NFIB: variants seen among roughly 807,000 people sequenced by gnomAD.
NFIB encodes the protein nuclear factor I B.
Under a neutral mutation model 61.5 loss-of-function variants are expected in NFIB, and 11 were observed. That is an observed-to-expected ratio of 0.18 (90% CI 0.11 to 0.30). NFIB has a LOEUF of 0.30. NFIB is among the 10% of genes least tolerant of loss of function. The probability of loss-of-function intolerance (pLI) is 1.00; values close to 1 mark genes in which losing one functional copy is unlikely to be tolerated. For missense variants in NFIB, 471 were observed against 608.9 expected (o/e 0.77, Z 2.38); for synonymous variants, 260 against 216.5 (o/e 1.20, Z -1.76).
At chr9:14,180,827 G>A (rs1029141881) in intron 2 of NFIB, 4 of 152,184 alleles carry the variant, frequency 2.6e-5, no homozygotes, top group Non-Finnish European at 5.9e-5. Flanking sequence ...GTAAACGCCG[G>A]AGGAATGGAT....
chr9:14,500,293 G>T, the NFIB span, among the ~76,000 whole-genome samples: 3 of 152,170 alleles, frequency 2.0e-5, no homozygotes, highest in Admixed American at 6.5e-5. Context: ...TCCCTAAGAC[G>T]TTAAGTGGGT....
At chr9:14,398,002 C>G (rs1453596050) in intron 1 of NFIB, among the ~76,000 whole-genome samples, 1 of 152,044 alleles carries the variant, frequency 6.6e-6, no homozygotes, top group East Asian at 1.9e-4. Flanking sequence ...CCACTATGCT[C>G]CAGGCTCCAT....
intron 1 of NFIB, among the ~76,000 whole-genome samples, chr9:14,394,703 T>C (rs144672366): frequency 4.2e-4 from 64 of 152,282 alleles, no homozygotes; most frequent in African/African-American, 1.4e-3. Flanking sequence ...TTTCATGGAT[T>C]CCTTCAAATG....
In NFIB at chr9:14,227,099, C is replaced by T. The variant is rs151261929; in HGVS notation, c.563-47319G>A. On this transcript the variant is annotated intron_variant, in intron 2 of 10. Transcript: ENST00000380953. Reference sequence around the variant, plus strand: ...AAGTTTGCAGTGAGCCGAGATCACGCCATTGCACTCCAGCCTGGGCAACGA... The same window carrying T: ...AAGTTTGCAGTGAGCCGAGATCACGTCATTGCACTCCAGCCTGGGCAACGA... Among the ~76,000 whole-genome samples the T allele has an allele frequency of 3.6e-3, 541 of 150,246 alleles. 2 individuals are homozygous for T. Among genetic ancestry groups the T allele is most frequent in the Non-Finnish European group, 5.4e-3 (365 of 67,794 alleles).
intron 2 of NFIB, among the ~76,000 whole-genome samples, chr9:14,287,548 G>A (rs562502460): frequency 6.6e-6 from 1 of 151,760 alleles, no homozygotes; most frequent in Non-Finnish European, 1.5e-5. Context: ...TCAGCTTCCC[G>A]AGTAGCTGGG....
At chr9:14,291,688 G>A (rs927240952) in intron 2 of NFIB, among the ~76,000 whole-genome samples, 1 of 151,838 alleles carries the variant, frequency 6.6e-6, no homozygotes, top group Non-Finnish European at 1.5e-5. Context: ...CAAAGGAAAA[G>A]GGAGATGTAG....
At chr9:14,338,250 C>A (rs755608509) in intron 1 of NFIB, among the ~76,000 whole-genome samples, 1 of 152,018 alleles carries the variant, frequency 6.6e-6, no homozygotes, top group Non-Finnish European at 1.5e-5. Context: ...AAAAATTAGC[C>A]GGGCATGGTG....
chr9:14,526,368 T>C, the NFIB span, among the ~76,000 whole-genome samples: 1 of 152,190 alleles, frequency 6.6e-6, no homozygotes, highest in Non-Finnish European at 1.5e-5. Flanking sequence ...ATAATGATCA[T>C]AACGAACATT....
At chr9:14,275,198 C>T (rs2057912994) in intron 2 of NFIB, among the ~76,000 whole-genome samples, 1 of 152,158 alleles carries the variant, frequency 6.6e-6, no homozygotes, top group Non-Finnish European at 1.5e-5. Flanking sequence ...AGGCCAGGAT[C>T]ATGGTCTCTG....
intron 2 of NFIB, among the ~76,000 whole-genome samples, chr9:14,253,968 C>T (rs1349108480): frequency 6.6e-6 from 1 of 152,094 alleles, no homozygotes; most frequent in Non-Finnish European, 1.5e-5. Flanking sequence ...AATGCCTCCC[C>T]AGCACTTGAC....
rs1445997481 is a variant in NFIB, at chr9:14,290,727, G to A, written c.562+16262C>T. ...ACCAATCACTAGTGCATATACAAAA[G>A]AAAGAAAACAAGCCTCAGTAAAAAG... On this transcript the variant is annotated intron_variant, in intron 2 of 10. Transcript: ENST00000380953. 2.0e-5 allele frequency among the ~76,000 whole-genome samples: 3 copies of A among 152,118 alleles called. No homozygotes were observed. In the East Asian group the frequency reaches 5.8e-4, roughly 29 times the overall value.
the NFIB span, among the ~76,000 whole-genome samples, chr9:14,504,334 T>C: frequency 3.3e-5 from 5 of 152,244 alleles, no homozygotes; most frequent in East Asian, 9.7e-4. Flanking sequence ...TCCATATGAA[T>C]CTTAGAATTG....
chr9:14,194,377 T>C (rs4551459), intron 2 of NFIB, among the ~76,000 whole-genome samples: 119,104 of 152,052 alleles, frequency 0.78, 47,856 homozygotes, highest in South Asian at 0.94. Context: ...CTAAAAACCA[T>C]AGGAATAATG....
At chr9:14,185,610 G>A (rs1016388325) in intron 2 of NFIB, among the ~76,000 whole-genome samples, 1 of 152,128 alleles carries the variant, frequency 6.6e-6, no homozygotes, top group Admixed American at 6.6e-5. Context: ...CCTAATCTTT[G>A]GGATAGGGCC....
the NFIB span, among the ~76,000 whole-genome samples, chr9:14,521,019 C>G: frequency 6.6e-6 from 1 of 152,104 alleles, no homozygotes; most frequent in African/African-American, 2.4e-5. Flanking sequence ...TTTCTACTGC[C>G]CCATTGATTC....
At chr9:14,205,442 A>G (rs1233698216) in intron 2 of NFIB, among the ~76,000 whole-genome samples, 2 of 151,892 alleles carry the variant, frequency 1.3e-5, no homozygotes, top group Non-Finnish European at 2.9e-5. Flanking sequence ...AGTACGATAT[A>G]TACACAAGGT....
chr9:14,155,805 TAAC>T lies in NFIB; in HGVS notation c.685+17_685+19del. On this transcript the variant is annotated intron_variant, in intron 4 of 10. Transcript: ENST00000380953. ...TAAATCATACTGCATGCTTAAGTAG[TAAC>T]AAAACAATTTACTTACTTCTGGATA... 2.0e-6 allele frequency: 3 copies of T among 1,489,006 alleles called. No individual in the cohort carries two copies. The highest frequency in any genetic ancestry group is 2.4e-5 in the South Asian group (2 of 81,746). 92.2% of individuals were successfully genotyped at this position (1,489,006 alleles called of 1,614,324 possible). A position where few individuals can be genotyped will look rare whatever the true frequency, so the allele number is the denominator to read the frequency against.
intron 4 of NFIB, among the ~76,000 whole-genome samples, chr9:14,151,405 T>A (rs2042855367): frequency 6.6e-6 from 1 of 152,160 alleles, no homozygotes; most frequent in South Asian, 2.1e-4. Flanking sequence ...GGCTGCAATG[T>A]GTACAAAATA....
the NFIB span, among the ~76,000 whole-genome samples, chr9:14,515,438 A>G: frequency 6.6e-6 from 1 of 152,136 alleles, no homozygotes; most frequent in Non-Finnish European, 1.5e-5. Context: ...AGAGCCATTA[A>G]TCAACTTTTC....
Sources: gnomAD v4.1 joint callset for allele counts (sites outside exome capture counted in the v4.1 genomes callset) on GRCh38, gnomAD v4.1.1 for gene constraint, MANE v1.5 for transcripts, NCBI Gene and HGNC (gene_info 2026-07-23, HGNC 2026-07-21) for gene names.